The following GALNTL6 variants were observed in gnomAD, a reference collection of about 807,000 sequenced individuals.
GALNTL6 encodes polypeptide N-acetylgalactosaminyltransferase-like 6.
In GALNTL6, 46 loss-of-function variants were observed where a neutral mutation model predicts 73.7. The observed-to-expected ratio is 0.62, with a 90% CI of 0.49 to 0.80. The LOEUF (loss-of-function observed/expected upper bound fraction) is 0.80, where lower values mean the gene tolerates loss of function less well. GALNTL6 is among the 30% of genes least tolerant of loss of function. The pLI, the probability that GALNTL6 is intolerant of heterozygous loss-of-function variation, is 0.00. For missense variants in GALNTL6, 604 were observed against 755.0 expected (o/e 0.80, Z 2.34); for synonymous variants, 259 against 263.7 (o/e 0.98, Z 0.17).
intron 8 of GALNTL6, among the ~76,000 whole-genome samples, chr4:172,901,353 T>C (rs1746619312): frequency 1.3e-5 from 2 of 152,188 alleles, no homozygotes. Context: ...CAAATATCTC[T>C]GTTAAATGGT....
chr4:172,181,180 G>A (rs1448646099), intron 2 of GALNTL6, among the ~76,000 whole-genome samples: 3 of 152,088 alleles, frequency 2.0e-5, no homozygotes, highest in Non-Finnish European at 4.4e-5. Flanking sequence ...GAAAATTTCA[G>A]GCCAATATCC....
At chr4:171,936,455 G>T (rs1263902670) in intron 2 of GALNTL6, among the ~76,000 whole-genome samples, 2 of 152,116 alleles carry the variant, frequency 1.3e-5, no homozygotes, top group African/African-American at 4.8e-5. Context: ...ATGAGGCCAA[G>T]AACATTTTTG....
intron 7 of GALNTL6, among the ~76,000 whole-genome samples, chr4:172,862,562 T>A (rs182065876): frequency 6.6e-6 from 1 of 152,216 alleles, no homozygotes; most frequent in East Asian, 1.9e-4. Flanking sequence ...TAACTGGGCA[T>A]GGTGGCATGC....
chr4:172,639,136 C>A (rs1739841115), intron 5 of GALNTL6, among the ~76,000 whole-genome samples: 1 of 152,064 alleles, frequency 6.6e-6, no homozygotes, highest in African/African-American at 2.4e-5. Context: ...TAATATGTAT[C>A]TGGTAGGGAG....
chr4:172,535,757 C>G (rs1035645766), intron 5 of GALNTL6, among the ~76,000 whole-genome samples: 1 of 152,164 alleles, frequency 6.6e-6, no homozygotes, highest in Non-Finnish European at 1.5e-5. Context: ...GAGAAATTCA[C>G]AGAATGTTCT....
intron 5 of GALNTL6, among the ~76,000 whole-genome samples, chr4:172,717,236 G>A (rs1735161497): frequency 6.6e-6 from 1 of 152,178 alleles, no homozygotes; most frequent in East Asian, 1.9e-4. Context: ...ACTCCAGTAA[G>A]TTTAACATTG....
chr4:171,990,648 A>G (rs1740305857), intron 2 of GALNTL6, among the ~76,000 whole-genome samples: 1 of 152,198 alleles, frequency 6.6e-6, no homozygotes, highest in Non-Finnish European at 1.5e-5. Context: ...TGCATACAAA[A>G]ATTCTAGGTT....
At chr4:171,820,715 G>C (rs757134837) in intron 2 of GALNTL6, among the ~76,000 whole-genome samples, 23 of 152,252 alleles carry the variant, frequency 1.5e-4, no homozygotes, top group Non-Finnish European at 2.5e-4. Flanking sequence ...TGAGGATTTA[G>C]TCTGTTAGTA....
At chr4:171,982,568 G>C (rs1739937051) in intron 2 of GALNTL6, among the ~76,000 whole-genome samples, 1 of 152,102 alleles carries the variant, frequency 6.6e-6, no homozygotes, top group Non-Finnish European at 1.5e-5. Context: ...AAAGTGCTGG[G>C]ATTACAAGCA....
intron 5 of GALNTL6, among the ~76,000 whole-genome samples, chr4:172,513,446 T>C (rs1254382550): frequency 6.6e-6 from 1 of 152,236 alleles, no homozygotes; most frequent in Non-Finnish European, 1.5e-5. Context: ...TTGGTTTGGA[T>C]CCATTCCTGG....
chr4:172,341,383 G>A (rs34081148), intron 4 of GALNTL6, among the ~76,000 whole-genome samples: 22,005 of 146,718 alleles, frequency 0.15, 1,789 homozygotes, highest in East Asian at 0.19. Context: ...CCCGGGAGGC[G>A]GAGCTTGCAG....
At chr4:172,453,953 A>G (rs761690039) in intron 5 of GALNTL6, among the ~76,000 whole-genome samples, 27 of 152,242 alleles carry the variant, frequency 1.8e-4, no homozygotes, top group African/African-American at 5.3e-4. Context: ...ACAGAAATAT[A>G]GTAAACAATA....
chr4:172,616,517 C>A (rs1332037214), intron 5 of GALNTL6, among the ~76,000 whole-genome samples: 1 of 147,064 alleles, frequency 6.8e-6, no homozygotes, highest in East Asian at 2.0e-4. Context: ...GCAAAGTTGG[C>A]AGAAAATCCA....
In GALNTL6 at chr4:172,497,156, G is replaced by A. The variant is rs184816206; in HGVS notation, c.553+148467G>A. On this transcript the variant is annotated intron_variant, in intron 5 of 12. Transcript: ENST00000506823. ...CATTTATAGGTTGGTCATTGTAAGA[G>A]GGATTTATAGTAGAAACTTACAGAA... Among the ~76,000 whole-genome samples the A allele has an allele frequency of 1.5e-4, 23 of 152,250 alleles. No homozygotes were observed. In the East Asian group the frequency reaches 4.3e-3, roughly 28 times the overall value.
At chr4:172,935,291 A>T (rs1357045262) in intron 9 of GALNTL6, among the ~76,000 whole-genome samples, 1 of 152,214 alleles carries the variant, frequency 6.6e-6, no homozygotes, top group Admixed American at 6.5e-5. Flanking sequence ...GCAAATCTGT[A>T]TACTGCTGTA....
At chr4:172,908,959 G>C (rs549258136) in intron 8 of GALNTL6, among the ~76,000 whole-genome samples, 62 of 151,682 alleles carry the variant, frequency 4.1e-4, no homozygotes, top group Non-Finnish European at 8.0e-4. Context: ...GAAAATTTTG[G>C]AGAAAAAATG....
At chr4:172,069,569 A>ATATGTGTTATATATATTATATATAACACC (rs1731478309) in intron 2 of GALNTL6, among the ~76,000 whole-genome samples, 1 of 30,988 alleles carries the variant, frequency 3.2e-5, no homozygotes, top group African/African-American at 7.8e-5. Flanking sequence ...TATATAACAC[A>ATATGTGTTATATATATTATATATAACACC]TATATGTTAT....
intron 5 of GALNTL6, among the ~76,000 whole-genome samples, chr4:172,521,871 C>T (rs765080974): frequency 4.6e-5 from 7 of 152,066 alleles, no homozygotes; most frequent in Non-Finnish European, 8.8e-5. Context: ...ATAAAAGGTT[C>T]CACTGAAATT....
At chr4:172,358,173 C>T (rs1742234984) in intron 5 of GALNTL6, among the ~76,000 whole-genome samples, 1 of 152,158 alleles carries the variant, frequency 6.6e-6, no homozygotes, top group Non-Finnish European at 1.5e-5. Flanking sequence ...GACAGAGAGT[C>T]TTGAATTCAA....
Sources: gnomAD v4.1 joint callset for allele counts (sites outside exome capture counted in the v4.1 genomes callset) on GRCh38, gnomAD v4.1.1 for gene constraint, MANE v1.5 for transcripts, NCBI Gene and HGNC (gene_info 2026-07-23, HGNC 2026-07-21) for gene names.